The following CTNNA3 variants were observed in gnomAD, a reference collection of about 807,000 sequenced individuals.
CTNNA3 encodes catenin alpha 3.
Under a neutral mutation model 95.7 loss-of-function variants are expected in CTNNA3, and 76 were observed. The observed-to-expected ratio is 0.79, with a 90% CI of 0.66 to 0.96. CTNNA3 has a LOEUF of 0.96. Among genes scored for constraint, CTNNA3 ranks in the 40% least tolerant of loss-of-function variants. The probability of loss-of-function intolerance (pLI) is 0.00; values close to 1 mark genes in which losing one functional copy is unlikely to be tolerated. For synonymous variants in CTNNA3, 431 were observed against 374.4 expected, an observed-to-expected ratio of 1.15 and a Z score of -1.74; for missense variants, 1,191 against 1,089.8, an observed-to-expected ratio of 1.09 and a Z score of -1.31.
At chr10:66,024,382 C>T (rs1466237040) in intron 15 of CTNNA3, among the ~76,000 whole-genome samples, 3 of 152,156 alleles carry the variant, frequency 2.0e-5, no homozygotes, top group Admixed American at 1.3e-4. Flanking sequence ...AGCCACCACG[C>T]CCGACCCCAT....
At chr10:66,560,753 G>A (rs960296786) in intron 10 of CTNNA3, among the ~76,000 whole-genome samples, 8 of 151,946 alleles carry the variant, frequency 5.3e-5, no homozygotes, top group Non-Finnish European at 8.8e-5. Context: ...GTATTTGGAG[G>A]TGGGGCCTTT....
intron 10 of CTNNA3, among the ~76,000 whole-genome samples, chr10:66,581,540 T>G (rs1455641604): frequency 6.6e-6 from 1 of 151,810 alleles, no homozygotes; most frequent in Non-Finnish European, 1.5e-5. Context: ...TTTGACCATT[T>G]GTATATTTTT....
chr10:66,802,378 T>C (rs867948098), intron 7 of CTNNA3, among the ~76,000 whole-genome samples: 1 of 151,772 alleles, frequency 6.6e-6, no homozygotes, highest in Non-Finnish European at 1.5e-5. Context: ...AAAGAAGATA[T>C]GCAAATGACC....
Position 67,446,967 on chromosome 10 carries a change from TG to T in CTNNA3, c.579+74874del, listed in dbSNP as rs1316334579. ...AAAAATACAAAATATTAGCCGGGCG[TG>T]GTGGCGGGCGCCTGTAGTCCCAGCT... is the stretch of plus-strand genomic sequence containing the variant. On this transcript the variant is annotated intron_variant, in intron 5 of 17. Transcript: ENST00000433211. Among the ~76,000 whole-genome samples the T allele has an allele frequency of 1.4e-4, 21 of 152,112 alleles. No homozygotes were observed. The East Asian group carries it at 3.9e-3, about 28-fold the overall frequency.
chr10:66,340,317 G>A (rs867534234), intron 12 of CTNNA3, among the ~76,000 whole-genome samples: 2 of 151,940 alleles, frequency 1.3e-5, no homozygotes, highest in East Asian at 1.9e-4. Flanking sequence ...TCTATGTCAA[G>A]TTCCAGAGAT....
At chr10:66,783,238 A>T (rs1464099546) in intron 7 of CTNNA3, among the ~76,000 whole-genome samples, 2 of 151,808 alleles carry the variant, frequency 1.3e-5, no homozygotes, top group African/African-American at 2.4e-5. Context: ...AAAGAAAATC[A>T]AATCATTTTT....
At chr10:67,467,971 A>G (rs546391392) in intron 5 of CTNNA3, among the ~76,000 whole-genome samples, 3 of 151,046 alleles carry the variant, frequency 2.0e-5, no homozygotes, top group Non-Finnish European at 4.4e-5. Context: ...TCAGACTCCC[A>G]AAGTGCTAGG....
At chr10:67,541,638 C>G (rs1288486082) in intron 3 of CTNNA3, among the ~76,000 whole-genome samples, 2 of 151,976 alleles carry the variant, frequency 1.3e-5, no homozygotes, top group African/African-American at 4.8e-5. Context: ...GCTTAGATGA[C>G]AGCATTCATA....
chr10:67,257,016 CACTT>C (rs1435558410), intron 5 of CTNNA3, among the ~76,000 whole-genome samples: 1 of 152,128 alleles, frequency 6.6e-6, no homozygotes, highest in Non-Finnish European at 1.5e-5. Context: ...CTTATAGAAA[CACTT>C]GCTTACTCAT....
At chr10:66,002,504 G>T (rs750164904) in intron 15 of CTNNA3, among the ~76,000 whole-genome samples, 2 of 152,158 alleles carry the variant, frequency 1.3e-5, no homozygotes, top group Non-Finnish European at 2.9e-5. Flanking sequence ...ATATTATTCA[G>T]AGTAGCCTAA....
At chr10:66,817,663 T>C (rs1171304478) in intron 7 of CTNNA3, among the ~76,000 whole-genome samples, 3 of 151,944 alleles carry the variant, frequency 2.0e-5, no homozygotes, top group Admixed American at 1.3e-4. Context: ...AATAAATAAT[T>C]ACTGACAAAG....
At chr10:66,565,495 T>C (rs1842677567) in intron 10 of CTNNA3, among the ~76,000 whole-genome samples, 2 of 152,158 alleles carry the variant, frequency 1.3e-5, no homozygotes, top group Non-Finnish European at 2.9e-5. Context: ...TTAATTAATA[T>C]TCCATAAAGG....
chr10:67,666,222 C>G (rs1047515877), intron 1 of CTNNA3, among the ~76,000 whole-genome samples: 3 of 152,124 alleles, frequency 2.0e-5, no homozygotes, highest in Non-Finnish European at 4.4e-5. Context: ...GTTCTTATCT[C>G]ACCTTCATAT....
chr10:67,248,581 G>A lies in CTNNA3; in HGVS notation c.580-28711C>T, dbSNP rs1865991323. Reference sequence around the variant, plus strand: ...CAGGCATACACCACCACACTTGGCTGGTTTTTGCTTTTGTTTTTATTTTGG... The same window carrying A: ...CAGGCATACACCACCACACTTGGCTAGTTTTTGCTTTTGTTTTTATTTTGG... On this transcript the variant is annotated intron_variant, in intron 5 of 17. Transcript: ENST00000433211. Among the ~76,000 whole-genome samples, 4 of 151,736 alleles carry A rather than the reference G, an allele frequency of 2.6e-5. No individual in the cohort carries two copies. In the South Asian group the frequency reaches 8.3e-4, roughly 32 times the overall value.
chr10:66,618,872 C>T (rs1844632142), intron 10 of CTNNA3, among the ~76,000 whole-genome samples: 2 of 152,006 alleles, frequency 1.3e-5, no homozygotes, highest in African/African-American at 4.8e-5. Context: ...AAGAAAAAAA[C>T]AAACAACCCC....
chr10:66,919,628 C>T (rs78834780), intron 7 of CTNNA3, among the ~76,000 whole-genome samples: 2,040 of 152,220 alleles, frequency 0.013, 21 homozygotes, highest in Non-Finnish European at 0.022. Context: ...AATGGTCAGA[C>T]CTGGAATATT....
At chr10:67,524,643 T>C (rs147182782) in intron 4 of CTNNA3, among the ~76,000 whole-genome samples, 3 of 152,340 alleles carry the variant, frequency 2.0e-5, no homozygotes, top group African/African-American at 7.2e-5. Flanking sequence ...AAAACCATGA[T>C]AATTTCATTC....
chr10:65,965,362 T>C (rs1319962894), intron 17 of CTNNA3, among the ~76,000 whole-genome samples: 1 of 148,736 alleles, frequency 6.7e-6, no homozygotes, highest in African/African-American at 2.5e-5. Context: ...AGGCAAGACA[T>C]AGACAGTCAC....
At chr10:66,762,716 T>C (rs939607646) in intron 9 of CTNNA3, among the ~76,000 whole-genome samples, 6 of 151,974 alleles carry the variant, frequency 3.9e-5, no homozygotes, top group Non-Finnish European at 8.8e-5. Flanking sequence ...ATTACCCACA[T>C]ACTTTTTTAA....
Sources: allele counts gnomAD v4.1 joint callset (sites outside exome capture counted in the v4.1 genomes callset), GRCh38; gene constraint gnomAD v4.1.1; transcripts MANE v1.5; gene names NCBI Gene and HGNC (gene_info 2026-07-23, HGNC 2026-07-21).